Variants in RABGEF1 observed in about 807,000 individuals in gnomAD.
RABGEF1 encodes rab5 GDP/GTP exchange factor.
In RABGEF1, 26 loss-of-function variants were observed where a neutral mutation model predicts 57.3. The ratio of observed to expected loss-of-function variants is 0.45; its 90% confidence interval spans 0.33 to 0.63. The LOEUF (loss-of-function observed/expected upper bound fraction) is 0.63. Among genes scored for constraint, RABGEF1 ranks in the 20% least tolerant of loss-of-function variants. RABGEF1 has a pLI of 0.02. For missense variants in RABGEF1, 464 were observed against 607.6 expected, an observed-to-expected ratio of 0.76 and a Z score of 2.48; for synonymous variants, 185 against 210.7, an observed-to-expected ratio of 0.88 and a Z score of 1.06.
At chr7:66,687,584 T>C (rs998665777) in intron 1 of RABGEF1, among the ~76,000 whole-genome samples, 2 of 150,356 alleles carry the variant, frequency 1.3e-5, no homozygotes, top group Non-Finnish European at 3.0e-5. Flanking sequence ...GCAGTTGAGG[T>C]GGGAGGATCT....
At chr7:66,772,166 C>T in intron 2 of RABGEF1, 88 bp downstream of exon 2, 1 of 1,095,022 alleles carries the variant, frequency 9.1e-7, no homozygotes, top group African/African-American at 1.6e-5. Context: ...TTCACTTCTG[C>T]TTTGAGCTAT....
At chr7:66,709,316 A>G (rs571724676) in intron 1 of RABGEF1, among the ~76,000 whole-genome samples, 1 of 152,300 alleles carries the variant, frequency 6.6e-6, no homozygotes, top group African/African-American at 2.4e-5. Flanking sequence ...AAATTTTAAA[A>G]TGCATCTGTA....
At chr7:66,695,963 C>CAA (rs72236148) in intron 1 of RABGEF1, among the ~76,000 whole-genome samples, 1 of 142,482 alleles carries the variant, frequency 7.0e-6, no homozygotes, top group African/African-American at 2.6e-5. Flanking sequence ...GAGACTGTCT[C>CAA]AAAAAAAAAA....
At chr7:66,681,606 G>A (rs1208991395), upstream of RABGEF1, among the ~76,000 whole-genome samples, 2 of 151,976 alleles carry the variant, frequency 1.3e-5, no homozygotes, top group Admixed American at 6.6e-5. Flanking sequence ...CTCTCCCTCT[G>A]TGGCCCAGGG....
intron 2 of RABGEF1, among the ~76,000 whole-genome samples, chr7:66,715,405 A>G (rs1795273861): frequency 6.6e-6 from 1 of 152,134 alleles, no homozygotes; most frequent in Non-Finnish European, 1.5e-5. Flanking sequence ...TGTTGGGATT[A>G]TAGGTGTGGG....
At chr7:66,725,482 G>A (rs537934718) in intron 2 of RABGEF1, among the ~76,000 whole-genome samples, 1 of 152,256 alleles carries the variant, frequency 6.6e-6, no homozygotes, top group East Asian at 1.9e-4. Context: ...AGCATCATGT[G>A]TTCAGAGTCC....
chr7:66,805,479 G>A, intron 8 of RABGEF1, 83 bp downstream of exon 8: 1 of 1,566,410 alleles, frequency 6.4e-7, no homozygotes, highest in South Asian at 1.2e-5. Context: ...TTAGGCCCGT[G>A]ACAGGTGAAT....
chr7:66,769,807 A>G (rs1806631016), intron 1 of RABGEF1, among the ~76,000 whole-genome samples: 1 of 152,222 alleles, frequency 6.6e-6, no homozygotes, highest in Non-Finnish European at 1.5e-5. Context: ...TTAAAAAGCC[A>G]TCATGATTTG....
At chr7:66,656,861 A>G in the RABGEF1 span, among the ~76,000 whole-genome samples, 3 of 148,292 alleles carry the variant, frequency 2.0e-5, no homozygotes, top group Admixed American at 6.9e-5. Flanking sequence ...TGAGACCAGG[A>G]GTGGCCACAT....
chr7:66,677,517 C>T (rs1243863399), upstream of RABGEF1, among the ~76,000 whole-genome samples: 1 of 152,072 alleles, frequency 6.6e-6, no homozygotes, highest in Non-Finnish European at 1.5e-5. Flanking sequence ...AATCCCAGCA[C>T]TTTGGGAGGC....
Position 66,811,422 on chromosome 7 carries a change from T to C in RABGEF1, c.*2138T>C, listed in dbSNP as rs1789435777. ...ACTGGAATACACCTTTGGAACGGAA[T>C]TCTTTATCAATAAAGTTTCACAATC... is the stretch of plus-strand genomic sequence containing the variant. On this transcript the variant is annotated 3_prime_UTR_variant, in exon 9 of 9. Transcript: ENST00000284957. The C allele has an allele frequency of 1.3e-5, 2 of 152,516 alleles. No individual in the cohort carries two copies. Among genetic ancestry groups the C allele is most frequent in the Non-Finnish European group, 2.9e-5 (2 of 68,028 alleles). The allele number at this position is 152,516 out of a possible 1,614,324, so 9.4% of individuals were successfully genotyped here.
chr7:66,739,657 CAAAAAAAAAAA>C (rs10554809), upstream of RABGEF1, among the ~76,000 whole-genome samples: 2 of 80,400 alleles, frequency 2.5e-5, no homozygotes, highest in Non-Finnish European at 4.6e-5. Context: ...GTGAGAGTCT[CAAAAAAAAAAA>C]AAAAAAAAAA....
At chr7:66,740,346 G>C (rs1316711953), upstream of RABGEF1, 1 of 152,292 alleles carries the variant, frequency 6.6e-6, no homozygotes, top group Non-Finnish European at 1.5e-5. Context: ...GCGTCCCTCG[G>C]CGCAGTAGCT....
At chr7:66,693,532 TCCCTCGGCTGCCAG>T (rs1562701936) in intron 1 of RABGEF1, among the ~76,000 whole-genome samples, 1 of 151,566 alleles carries the variant, frequency 6.6e-6, no homozygotes, top group Non-Finnish European at 1.5e-5. Flanking sequence ...CCTCCTCCCC[TCCCTCGGCTGCCAG>T]CCCTCCTGGC....
intron 2 of RABGEF1, among the ~76,000 whole-genome samples, chr7:66,714,736 C>T (rs1795169363): frequency 6.6e-6 from 1 of 152,140 alleles, no homozygotes; most frequent in South Asian, 2.1e-4. Flanking sequence ...GAGATCATGA[C>T]CATCCTGGCT....
chr7:66,794,237 A>C (rs879726826), intron 4 of RABGEF1, among the ~76,000 whole-genome samples: 5 of 60,788 alleles, frequency 8.2e-5, no homozygotes, highest in Non-Finnish European at 1.4e-4. Context: ...TTTTTTACTT[A>C]TTATTGTTAA....
Position 66,809,098 on chromosome 7 carries a change from A to C in RABGEF1, c.1290A>C (p.Glu430Asp), listed in dbSNP as rs1340522111. 6.2e-7 allele frequency: 1 copy of C among 1,614,196 alleles called. No individual in the cohort carries two copies. Among genetic ancestry groups the C allele is most frequent in the African/African-American group, 1.3e-5 (1 of 75,060 alleles). Reference sequence around the variant, plus strand: ...AACGACAAGAAAGGATCATGAATGAAGCCAAGAAACTGGAAAAAGACCTCA... The same window carrying C: ...AACGACAAGAAAGGATCATGAATGACGCCAAGAAACTGGAAAAAGACCTCA... ...LNERQERIMN[E>D]AKKLEKDLID... Residue 430 changes from glutamate to aspartate, a missense_variant, in exon 9 of 9, where the codon GAA (glutamate) becomes GAC (aspartate). Physicochemically the swap from Glu to Asp is conservative, Grantham distance 45. This residue lies in a region of RABGEF1 where 151 missense variants were observed against 152.2 expected (regional missense o/e 0.99). Transcript: ENST00000284957.
the RABGEF1 span, among the ~76,000 whole-genome samples, chr7:66,657,552 T>C: frequency 2.0e-5 from 3 of 152,224 alleles, no homozygotes; most frequent in Non-Finnish European, 4.4e-5. Flanking sequence ...CCAGCAGTGG[T>C]GGCTCATGCC....
the RABGEF1 span, among the ~76,000 whole-genome samples, chr7:66,662,693 G>T: frequency 2.0e-5 from 3 of 152,222 alleles, no homozygotes; most frequent in Non-Finnish European, 4.4e-5. Flanking sequence ...AAAATCTGGC[G>T]CCAGGAAGAG....
Sources: gnomAD v4.1 joint callset for allele counts (sites outside exome capture counted in the v4.1 genomes callset) on GRCh38, gnomAD v4.1.1 for gene constraint, gnomAD v4.1.1 regional missense constraint, MANE v1.5 for transcripts, NCBI Gene and HGNC (gene_info 2026-07-23, HGNC 2026-07-21) for gene names.